CEP83: variants seen among roughly 807,000 people sequenced by gnomAD.
The protein encoded by CEP83 is centrosomal protein 83, also known as centrosomal protein of 83 kDa.
CEP83 carries 70 observed loss-of-function variants against 101.9 expected under a neutral mutation model. The observed-to-expected ratio is 0.69, with a 90% CI of 0.57 to 0.84. The LOEUF is 0.84. Among genes scored for constraint, CEP83 ranks in the 40% least tolerant of loss-of-function variants. CEP83 has a pLI of 0.00. For synonymous variants in CEP83, 264 were observed against 267.9 expected (o/e 0.99, Z 0.14); for missense variants, 715 against 787.2 (o/e 0.91, Z 1.10).
intron 1 of CEP83, among the ~76,000 whole-genome samples, chr12:94,441,026 C>G (rs1459323762): frequency 6.6e-6 from 1 of 152,158 alleles, no homozygotes; most frequent in Non-Finnish European, 1.5e-5. Context: ...ACACAAAAAT[C>G]AACTCAAGAT....
intron 8 of CEP83, among the ~76,000 whole-genome samples, chr12:94,373,000 T>C (rs1836205673): frequency 6.6e-6 from 1 of 152,212 alleles, no homozygotes; most frequent in Admixed American, 6.5e-5. Flanking sequence ...TGACAAATAA[T>C]AGCACTTTTC....
the CEP83 span, among the ~76,000 whole-genome samples, chr12:94,293,275 G>A: frequency 2.6e-5 from 4 of 152,088 alleles, no homozygotes; most frequent in African/African-American, 7.2e-5. Context: ...ATTACAAATC[G>A]CTCCCTATCA....
intron 14 of CEP83, among the ~76,000 whole-genome samples, chr12:94,329,983 C>T (rs567655147): frequency 6.6e-6 from 1 of 152,270 alleles, no homozygotes; most frequent in South Asian, 2.1e-4. Context: ...CATGTTGTCA[C>T]TCCAACCATC....
chr12:94,313,004 T>C lies in CEP83; in HGVS notation c.1721A>G (p.His574Arg), dbSNP rs557748418. 1.3e-6 allele frequency: 2 copies of C among 1,506,214 alleles called. No individual in the cohort carries two copies. Among genetic ancestry groups the C allele is most frequent in the Admixed American group, 3.6e-5 (2 of 55,382 alleles). The allele number at this position is 1,506,214 out of a possible 1,614,324, so 93.3% of individuals were successfully genotyped here. A position where few individuals can be genotyped will look rare whatever the true frequency, so the allele number is the denominator to read the frequency against. ...AIAQKKRKSL[H>R]ENKLKRLQEK... is the part of the protein sequence containing the mutation. ...TTGTAGTCTTTTCAATTTGTTTTCA[T>C]GAAGAGATTTTCTCTAAAAAGAGAA... The change falls in exon 15 of 17, where the codon CAT (histidine) becomes CGT (arginine). Residue 574 changes from histidine to arginine, a missense_variant. Physicochemically the swap from His to Arg is conservative, Grantham distance 29. Coordinates refer to ENST00000397809, the MANE Select transcript of CEP83 (RefSeq NM_016122.3).
At chr12:94,284,107 AAG>A in the CEP83 span, among the ~76,000 whole-genome samples, 1 of 151,776 alleles carries the variant, frequency 6.6e-6, no homozygotes, top group East Asian at 1.9e-4. Flanking sequence ...AAAAAAAAAA[AAG>A]CAGGGTTTGC....
the CEP83 span, among the ~76,000 whole-genome samples, chr12:94,288,559 G>A: frequency 6.6e-6 from 1 of 152,324 alleles, no homozygotes; most frequent in African/African-American, 2.4e-5. Flanking sequence ...CATCCTGTAA[G>A]CCCTCCCCTG....
At chr12:94,266,983 C>T in the CEP83 span, among the ~76,000 whole-genome samples, 1 of 152,208 alleles carries the variant, frequency 6.6e-6, no homozygotes, top group African/African-American at 2.4e-5. Flanking sequence ...TTCCAGATAT[C>T]TCTGATGTGT....
chr12:94,376,730 CACAT>C (rs1186949691), intron 7 of CEP83, among the ~76,000 whole-genome samples: 13 of 106,842 alleles, frequency 1.2e-4, no homozygotes, highest in Admixed American at 2.9e-4. Context: ...CACACACACA[CACAT>C]ATATATATAT....
intron 6 of CEP83, among the ~76,000 whole-genome samples, chr12:94,387,789 C>T (rs1005543558): frequency 6.6e-6 from 1 of 151,892 alleles, no homozygotes; most frequent in Non-Finnish European, 1.5e-5. Flanking sequence ...AGACACTTCT[C>T]AAAAGAAGAC....
intron 1 of CEP83, among the ~76,000 whole-genome samples, chr12:94,446,578 C>T (rs775919894): frequency 1.3e-5 from 2 of 151,824 alleles, no homozygotes; most frequent in Non-Finnish European, 2.9e-5. Flanking sequence ...TGTGGTGGTG[C>T]GCACCTATAG....
rs538558349 is a variant in CEP83, at chr12:94,418,981, C to T, written c.-101-6390G>A. ...GAGAGTGTGATCAAAACAAGAAAGT[C>T]CATTATTGCTACTTTTATTCAATAT... On this transcript the variant is annotated intron_variant, in intron 2 of 16. Transcript: ENST00000397809. Among the ~76,000 whole-genome samples the T allele has an allele frequency of 2.0e-5, 3 of 151,638 alleles. 1 individual carries two copies. In the South Asian group the frequency reaches 6.3e-4, roughly 32 times the overall value.
the CEP83 span, among the ~76,000 whole-genome samples, chr12:94,293,883 G>A: frequency 6.6e-6 from 1 of 152,120 alleles, no homozygotes; most frequent in Non-Finnish European, 1.5e-5. Context: ...TCCTCCCAAA[G>A]TGCTGGGATC....
chr12:94,346,342 C>T (rs573024071), intron 11 of CEP83, among the ~76,000 whole-genome samples: 6 of 151,708 alleles, frequency 4.0e-5, no homozygotes, highest in African/African-American at 7.3e-5. Flanking sequence ...CGTGGGCCAC[C>T]GCACCTGGCC....
At chr12:94,268,320 TC>T in the CEP83 span, among the ~76,000 whole-genome samples, 1 of 152,322 alleles carries the variant, frequency 6.6e-6, no homozygotes, top group East Asian at 1.9e-4. Flanking sequence ...AATGTTCTCT[TC>T]TTGCATATTG....
chr12:94,455,871 C>A (rs1000023258), intron 1 of CEP83, among the ~76,000 whole-genome samples: 21 of 151,904 alleles, frequency 1.4e-4, no homozygotes. Context: ...TGTGGTGAAA[C>A]CCTGTCTCTA....
At chr12:94,452,345 T>A (rs1016302776) in intron 1 of CEP83, among the ~76,000 whole-genome samples, 3 of 152,116 alleles carry the variant, frequency 2.0e-5, no homozygotes, top group Non-Finnish European at 4.4e-5. Context: ...GTAAAATATA[T>A]CTCAATAAAG....
the CEP83 span, among the ~76,000 whole-genome samples, chr12:94,293,431 A>G: frequency 2.7e-4 from 41 of 152,340 alleles, no homozygotes; most frequent in Admixed American, 1.1e-3. Context: ...TCGGGCTGCT[A>G]TAACAGAATA....
chr12:94,361,331 T>C (rs1565986140), intron 11 of CEP83: 2 of 152,148 alleles, frequency 1.3e-5, no homozygotes, highest in South Asian at 2.1e-4. Context: ...GCTACTGCAA[T>C]TGGGCATTCA....
At chr12:94,351,324 T>C (rs1397021267) in intron 11 of CEP83, among the ~76,000 whole-genome samples, 1 of 152,102 alleles carries the variant, frequency 6.6e-6, no homozygotes, top group Non-Finnish European at 1.5e-5. Flanking sequence ...CATGGTTACA[T>C]TGCTCCAGAG....
Sources: gnomAD v4.1 joint callset for allele counts (sites outside exome capture counted in the v4.1 genomes callset) on GRCh38, gnomAD v4.1.1 for gene constraint, MANE v1.5 for transcripts, NCBI Gene and HGNC (gene_info 2026-07-23, HGNC 2026-07-21) for gene names.